SESTD1: variants seen among roughly 807,000 people sequenced by gnomAD.
SESTD1 encodes the protein SEC14 and spectrin domain containing 1.
SESTD1 carries 43 observed loss-of-function variants against 101.7 expected under a neutral mutation model. The observed-to-expected ratio is 0.42, with a 90% CI of 0.33 to 0.55. The LOEUF (loss-of-function observed/expected upper bound fraction) is 0.55. SESTD1 is among the 20% of genes least tolerant of loss of function. The pLI is 0.07. For missense variants in SESTD1, 647 were observed against 815.1 expected (o/e 0.79, Z 2.51); for synonymous variants, 283 against 286.8 (o/e 0.99, Z 0.13).
chr2:179,187,275 GAATGTA>G (rs2046247188), intron 2 of SESTD1, among the ~76,000 whole-genome samples: 1 of 152,106 alleles, frequency 6.6e-6, no homozygotes, highest in Non-Finnish European at 1.5e-5. Flanking sequence ...TATTAGCCTT[GAATGTA>G]AAAGGTCTAA....
At chr2:179,257,962 C>T (rs2047424674) in intron 1 of SESTD1, among the ~76,000 whole-genome samples, 2 of 152,140 alleles carry the variant, frequency 1.3e-5, no homozygotes, top group South Asian at 2.1e-4. Context: ...CATATTGTCC[C>T]TCAGGAGAGA....
intron 1 of SESTD1, among the ~76,000 whole-genome samples, chr2:179,223,319 T>G (rs769087507): frequency 6.6e-6 from 1 of 152,042 alleles, no homozygotes; most frequent in Non-Finnish European, 1.5e-5. Context: ...CTAAGTTTCT[T>G]TTTGGGGTGA....
At chr2:179,203,429 T>TA (rs2046546993) in intron 1 of SESTD1, among the ~76,000 whole-genome samples, 1 of 131,318 alleles carries the variant, frequency 7.6e-6, no homozygotes, top group East Asian at 2.1e-4. Context: ...CTCTATTTTT[T>TA]AAAAAAGGGG....
intron 13 of SESTD1, among the ~76,000 whole-genome samples, chr2:179,119,970 C>T (rs543623914): frequency 3.3e-5 from 5 of 152,290 alleles, no homozygotes; most frequent in Admixed American, 1.3e-4. Context: ...GTGGCTCACG[C>T]CTGTGATCCC....
chr2:179,156,131 T>C (rs2045625734), intron 5 of SESTD1, among the ~76,000 whole-genome samples: 1 of 151,998 alleles, frequency 6.6e-6, no homozygotes, highest in Non-Finnish European at 1.5e-5. Context: ...TGTGTGTATA[T>C]ACGTATATAT....
chr2:179,257,415 T>A (rs1467730314), intron 1 of SESTD1, among the ~76,000 whole-genome samples: 2 of 152,190 alleles, frequency 1.3e-5, no homozygotes, highest in African/African-American at 2.4e-5. Flanking sequence ...ACGTAGATCA[T>A]TTTTTAGACA....
rs1465322409 is a variant in SESTD1, at chr2:179,104,966, TGA to T, written c.*4931_*4932del. On this transcript the variant is annotated 3_prime_UTR_variant, in exon 18 of 18. Transcript: ENST00000428443. The stretch of plus-strand genomic sequence containing the variant: ...TTGCTTTAAAATTCTGCAGTAATGT[TGA>T]GTCATATTAAGTGTCATACCCATGA... 2.0e-5 allele frequency: 3 copies of T among 152,130 alleles called. No individual in the cohort carries two copies. Among genetic ancestry groups the T allele is most frequent in the Non-Finnish European group, 2.9e-5 (2 of 68,014 alleles). 9.4% of individuals were successfully genotyped at this position (152,130 alleles called of 1,614,324 possible).
intron 1 of SESTD1, among the ~76,000 whole-genome samples, chr2:179,239,528 C>T (rs13026497): frequency 0.45 from 67,878 of 151,886 alleles, 18,028 homozygotes; most frequent in African/African-American, 0.75. Flanking sequence ...CCCAGCTACA[C>T]ATTAGAATCA....
intron 9 of SESTD1, among the ~76,000 whole-genome samples, chr2:179,139,939 GTC>G (rs1315362276): frequency 6.6e-6 from 1 of 152,132 alleles, no homozygotes; most frequent in Non-Finnish European, 1.5e-5. Context: ...TGTGTAACTG[GTC>G]TGTTACTGGC....
chr2:179,241,673 A>C (rs2047155457), intron 1 of SESTD1, among the ~76,000 whole-genome samples: 2 of 152,114 alleles, frequency 1.3e-5, no homozygotes, highest in Non-Finnish European at 2.9e-5. Context: ...ATGTAATCCC[A>C]GCACTTTGGG....
At chr2:179,240,842 C>G (rs571074228) in intron 1 of SESTD1, among the ~76,000 whole-genome samples, 5 of 152,252 alleles carry the variant, frequency 3.3e-5, no homozygotes, top group Non-Finnish European at 5.9e-5. Flanking sequence ...CCTCCAACAT[C>G]CCCCATCCCT....
At chr2:179,241,530 C>T (rs1029710653) in intron 1 of SESTD1, among the ~76,000 whole-genome samples, 8 of 151,984 alleles carry the variant, frequency 5.3e-5, no homozygotes, top group African/African-American at 1.9e-4. Context: ...CATCAAAAGC[C>T]ACCAAATGAA....
intron 1 of SESTD1, among the ~76,000 whole-genome samples, chr2:179,258,322 G>A (rs186027211): frequency 6.6e-6 from 1 of 152,168 alleles, no homozygotes; most frequent in African/African-American, 2.4e-5. Flanking sequence ...AACTATTACT[G>A]AATCACAATT....
At chr2:179,184,179 T>C (rs563785667) in intron 2 of SESTD1, among the ~76,000 whole-genome samples, 7 of 152,310 alleles carry the variant, frequency 4.6e-5, no homozygotes, top group African/African-American at 1.4e-4. Flanking sequence ...TTAAATACTT[T>C]TATGCCCACA....
intron 5 of SESTD1, among the ~76,000 whole-genome samples, chr2:179,154,655 T>C (rs953411209): frequency 6.6e-6 from 1 of 152,078 alleles, no homozygotes. Flanking sequence ...TAAAAACACA[T>C]GTAAATTATA....
intron 8 of SESTD1, among the ~76,000 whole-genome samples, chr2:179,144,762 T>C (rs1208781010): frequency 6.6e-6 from 1 of 152,094 alleles, no homozygotes; most frequent in African/African-American, 2.4e-5. Flanking sequence ...TTTTGTTTTA[T>C]ACTCTCTTTC....
chr2:179,240,689 C>A (rs954619604), intron 1 of SESTD1, among the ~76,000 whole-genome samples: 34 of 152,184 alleles, frequency 2.2e-4, no homozygotes, highest in Admixed American at 1.3e-4. Flanking sequence ...TGGCCTCACC[C>A]TCACCCATGC....
At chr2:179,242,759 A>G (rs1347444657) in intron 1 of SESTD1, among the ~76,000 whole-genome samples, 1 of 152,224 alleles carries the variant, frequency 6.6e-6, no homozygotes, top group Non-Finnish European at 1.5e-5. Context: ...GTGCAGAAGA[A>G]TGAAACCGGA....
intron 2 of SESTD1, among the ~76,000 whole-genome samples, chr2:179,186,335 G>A (rs1312480620): frequency 6.6e-6 from 1 of 152,008 alleles, no homozygotes; most frequent in Non-Finnish European, 1.5e-5. Flanking sequence ...CCCACTCATA[G>A]CTTCCCCTTG....
Sources: gnomAD v4.1 joint callset for allele counts (sites outside exome capture counted in the v4.1 genomes callset) on GRCh38, gnomAD v4.1.1 for gene constraint, MANE v1.5 for transcripts, NCBI Gene and HGNC (gene_info 2026-07-23, HGNC 2026-07-21) for gene names.